SLC4A10: variants seen among roughly 807,000 people sequenced by gnomAD.
SLC4A10 encodes solute carrier family 4 member 10.
A neutral mutation model predicts 137.7 loss-of-function variants in SLC4A10; 42 were observed. That is an observed-to-expected ratio of 0.30 (90% CI 0.24 to 0.39). SLC4A10 has a LOEUF of 0.39. Ranked by LOEUF, SLC4A10 falls within the 10% of genes least tolerant of loss-of-function variation. SLC4A10 has a pLI of 1.00. For synonymous variants in SLC4A10, 474 were observed against 464.1 expected (o/e 1.02, Z -0.27); for missense variants, 925 against 1,355.0 (o/e 0.68, Z 4.98).
intron 3 of SLC4A10, among the ~76,000 whole-genome samples, chr2:161,812,592 C>T (rs1473658810): frequency 6.6e-6 from 1 of 152,082 alleles, no homozygotes; most frequent in Non-Finnish European, 1.5e-5. Flanking sequence ...ATGTTTATCT[C>T]CCATTTATGA....
chr2:161,679,261 T>G (rs2040588093), intron 1 of SLC4A10, among the ~76,000 whole-genome samples: 1 of 152,194 alleles, frequency 6.6e-6, no homozygotes, highest in Non-Finnish European at 1.5e-5. Flanking sequence ...GTTTAATGTG[T>G]GCAAATGCAC....
intron 12 of SLC4A10, 122 bp from the exon 13 acceptor site, chr2:161,903,882 G>A (rs1683702171): frequency 5.3e-6 from 5 of 944,990 alleles, no homozygotes; most frequent in Middle Eastern, 3.5e-4. Context: ...GCAGGTTAAT[G>A]TGTGTCTCAC....
intron 23 of SLC4A10, among the ~76,000 whole-genome samples, chr2:161,965,829 T>C (rs1697477183): frequency 6.6e-6 from 1 of 152,216 alleles, no homozygotes; most frequent in Admixed American, 6.5e-5. Flanking sequence ...CTGAGTCTAT[T>C]TTGAAAGCAC....
chr2:161,923,970 A>G (rs1295750113), intron 15 of SLC4A10, among the ~76,000 whole-genome samples: 1 of 152,144 alleles, frequency 6.6e-6, no homozygotes. Context: ...TGAACATAGG[A>G]AACCTGGCTG....
At chr2:161,841,884 A>T (rs1373961747) in intron 4 of SLC4A10, among the ~76,000 whole-genome samples, 3 of 152,216 alleles carry the variant, frequency 2.0e-5, no homozygotes, top group African/African-American at 7.2e-5. Flanking sequence ...CCAAAATTTA[A>T]TAGCTAAATC....
Position 161,949,281 on chromosome 2 carries a change from C to G in SLC4A10, c.2379+20C>G. ...TTCAAGGTACTTACTATCTCTCTCC[C>G]TCTTCCCATCTCTCTCGGTCTAATC... On this transcript the variant is annotated intron_variant, in intron 18 of 26. Coordinates refer to ENST00000446997, the MANE Select transcript of SLC4A10 (RefSeq NM_001178015.2). 7.0e-7 allele frequency: 1 copy of G among 1,438,510 alleles called. No individual in the cohort carries two copies. The highest frequency in any genetic ancestry group is 9.8e-7 in the Non-Finnish European group (1 of 1,021,874). The allele number at this position is 1,438,510 out of a possible 1,614,324, so 89.1% of individuals were successfully genotyped here.
At chr2:161,726,838 G>C (rs1256805606) in intron 1 of SLC4A10, among the ~76,000 whole-genome samples, 1 of 152,238 alleles carries the variant, frequency 6.6e-6, no homozygotes, top group Non-Finnish European at 1.5e-5. Context: ...GAACCTAGGA[G>C]GTGGGGGCTG....
chr2:161,812,513 C>A (rs2056653144), intron 3 of SLC4A10, among the ~76,000 whole-genome samples: 3 of 152,028 alleles, frequency 2.0e-5, no homozygotes, highest in African/African-American at 7.2e-5. Context: ...CCCTTGTTCC[C>A]TACCCTCCTT....
chr2:161,891,076 A>C (rs1305859782), intron 10 of SLC4A10, among the ~76,000 whole-genome samples: 3 of 152,078 alleles, frequency 2.0e-5, no homozygotes, highest in African/African-American at 7.2e-5. Context: ...CTGGATATGA[A>C]ATTCTGGGTT....
chr2:161,822,182 A>T, intron 3 of SLC4A10, among the ~76,000 whole-genome samples: 1 of 152,232 alleles, frequency 6.6e-6, no homozygotes. Flanking sequence ...CCTTAAAATT[A>T]ACACTCATGT....
intron 21 of SLC4A10, 32 bp from the exon 22 acceptor site, chr2:161,964,103 C>A: frequency 6.5e-7 from 1 of 1,542,970 alleles, no homozygotes; most frequent in Non-Finnish European, 8.8e-7. Context: ...TGTCTTACAC[C>A]TAAAAACAAT....
At chr2:161,953,236 A>G (rs757540685) in intron 19 of SLC4A10, among the ~76,000 whole-genome samples, 6 of 152,124 alleles carry the variant, frequency 3.9e-5, no homozygotes, top group Non-Finnish European at 8.8e-5. Context: ...CATATTTTAG[A>G]TCTTTTTACT....
Position 161,972,918 on chromosome 2 carries a change from A to G in SLC4A10, c.3160-1331A>G, listed in dbSNP as rs529995950. ...CATAGGTTAGCTGAAGAGGCACTAG[A>G]AAACACTTGTTTCTTTAGGTAGCAA... On this transcript the variant is annotated intron_variant, in intron 23 of 26. Transcript: ENST00000446997. 3.4e-3 allele frequency among the ~76,000 whole-genome samples: 513 copies of G among 152,308 alleles called. 2 individuals are homozygous for G. The highest frequency in any genetic ancestry group is 0.012 in the African/African-American group (488 of 41,558).
intron 15 of SLC4A10, among the ~76,000 whole-genome samples, chr2:161,909,105 A>G (rs1181480040): frequency 5.9e-5 from 7 of 118,918 alleles, no homozygotes; most frequent in Non-Finnish European, 1.2e-4. Flanking sequence ...GGGGGGAGGG[A>G]TAGCATTAGG....
At chr2:161,886,285 A>G (rs1337253426) in intron 10 of SLC4A10, among the ~76,000 whole-genome samples, 2 of 152,168 alleles carry the variant, frequency 1.3e-5, no homozygotes, top group Non-Finnish European at 1.5e-5. Flanking sequence ...TGCAGAACAC[A>G]TAGTAGCTAC....
intron 1 of SLC4A10, among the ~76,000 whole-genome samples, chr2:161,714,691 G>A (rs566300387): frequency 6.6e-6 from 1 of 152,048 alleles, no homozygotes; most frequent in East Asian, 1.9e-4. Context: ...AGGAGCTAGG[G>A]CTCCAGAGCG....
At chr2:161,688,130 G>T (rs985355390) in intron 1 of SLC4A10, among the ~76,000 whole-genome samples, 4 of 152,206 alleles carry the variant, frequency 2.6e-5, no homozygotes, top group East Asian at 3.9e-4. Context: ...TATAGTAAAA[G>T]AATTACTTAG....
chr2:161,702,810 C>G (rs2043261565), intron 1 of SLC4A10, among the ~76,000 whole-genome samples: 1 of 151,790 alleles, frequency 6.6e-6, no homozygotes, highest in South Asian at 2.1e-4. Flanking sequence ...AGTATGTTCT[C>G]TATGGATCAG....
chr2:161,755,092 C>T (rs562520265), intron 1 of SLC4A10, among the ~76,000 whole-genome samples: 2 of 152,204 alleles, frequency 1.3e-5, no homozygotes, highest in South Asian at 4.1e-4. Flanking sequence ...AAAGAACTGA[C>T]TCATACAAAA....
Sources: gnomAD v4.1 joint callset for allele counts (sites outside exome capture counted in the v4.1 genomes callset) on GRCh38, gnomAD v4.1.1 for gene constraint, MANE v1.5 for transcripts, NCBI Gene and HGNC (gene_info 2026-07-23, HGNC 2026-07-21) for gene names.